PRDM2: variants seen among roughly 807,000 people sequenced by gnomAD.
The protein encoded by PRDM2 is PR/SET domain 2, also known as PR domain zinc finger protein 2.
Under a neutral mutation model 130.0 loss-of-function variants are expected in PRDM2, and 30 were observed. That is an observed-to-expected ratio of 0.23 (90% CI 0.17 to 0.31). The LOEUF is 0.31. Ranked by LOEUF, PRDM2 falls within the 10% of genes least tolerant of loss-of-function variation. The pLI is 1.00. For synonymous variants in PRDM2, 871 were observed against 782.4 expected, an observed-to-expected ratio of 1.11 and a Z score of -1.89; for missense variants, 2,011 against 2,108.4, an observed-to-expected ratio of 0.95 and a Z score of 0.90.
chr1:13,764,574 T>C lies in PRDM2; in HGVS notation c.512-8504T>C, dbSNP rs143403213. ...CCAGTCAAAACCACTGAAAGCCTTT[T>C]TCTGACAGCATAAAAGCTCGGACTC... is the stretch of plus-strand genomic sequence containing the variant. On this transcript the variant is annotated intron_variant, in intron 6 of 9. Transcript: ENST00000311066. Among the ~76,000 whole-genome samples, 48 of 152,350 alleles carry C rather than the reference T, an allele frequency of 3.2e-4. No homozygotes were observed. The East Asian group carries it at 7.9e-3, about 25-fold the overall frequency.
intron 2 of PRDM2, among the ~76,000 whole-genome samples, chr1:13,727,117 A>G (rs1416777876): frequency 6.6e-6 from 1 of 152,068 alleles, no homozygotes; most frequent in Non-Finnish European, 1.5e-5. Context: ...TTGCCTGGAT[A>G]CTGCGTTTCC....
At chr1:13,797,514 C>T (rs561530820) in intron 8 of PRDM2, among the ~76,000 whole-genome samples, 1 of 152,332 alleles carries the variant, frequency 6.6e-6, no homozygotes, top group African/African-American at 2.4e-5. Context: ...ATTACAGACA[C>T]AGCTCGTGAG....
intron 6 of PRDM2, among the ~76,000 whole-genome samples, chr1:13,759,196 G>A (rs1233099653): frequency 4.1e-5 from 6 of 146,504 alleles, no homozygotes; most frequent in East Asian, 4.0e-4. Flanking sequence ...AAACTACAGC[G>A]ATAAACAATC....
rs61072408 is a variant in PRDM2, at chr1:13,705,981, C to CAA, written c.-66+5704_-66+5705dup. On this transcript the variant is annotated intron_variant, in intron 1 of 9. Coordinates refer to ENST00000311066, the MANE Select transcript of PRDM2 (RefSeq NM_001393986.1). Reference sequence around the variant, plus strand: ...TGGGAGACAGAGCGAGACTCCGTCTCAAAAAAAAAAAAAAAAAAAAAAAAT... The same window carrying CAA: ...TGGGAGACAGAGCGAGACTCCGTCTCAAAAAAAAAAAAAAAAAAAAAAAAAAT... Among the ~76,000 whole-genome samples the CAA allele has an allele frequency of 2.6e-3, 147 of 56,184 alleles. 1 individual carries two copies. The highest frequency in any genetic ancestry group is 0.016 in the East Asian group (28 of 1,716). The allele number at this position is 56,184 out of a possible 152,430, so 36.9% of individuals were successfully genotyped here. A position where few individuals can be genotyped will look rare whatever the true frequency, so the allele number is the denominator to read the frequency against.
chr1:13,819,078 C>G (rs772389935), intron 9 of PRDM2, among the ~76,000 whole-genome samples: 3 of 152,176 alleles, frequency 2.0e-5, no homozygotes, highest in Non-Finnish European at 4.4e-5. Context: ...CAGCATCCTC[C>G]TTGCGGCCAA....
rs749251163 is a variant in PRDM2 at position 13,780,088 on chromosome 1, G to A, written c.2293G>A (p.Asp765Asn). ...AAGTGATGGGAAAGCAGCATGGACC[G>A]ATGCCGGGCTGACTTCCAAAAAATC... is the stretch of plus-strand genomic sequence containing the variant. ...KPSDGKAAWT[D>N]AGLTSKKSKL... is the part of the protein sequence containing the mutation. The change falls in exon 8 of 10, where the codon GAT becomes AAT. Residue 765 changes from aspartate (D) to asparagine (N), a missense_variant. By Grantham distance (23) the Asp-to-Asn change is conservative. This residue lies in a region of PRDM2 where 1,288 missense variants were observed against 1,237.7 expected (regional missense o/e 1.04). Transcript: ENST00000311066. 5.6e-6 allele frequency: 9 copies of A among 1,613,250 alleles called. No individual in the cohort carries two copies. The highest frequency in any genetic ancestry group is 3.3e-5 in the South Asian group (3 of 90,922).
intron 6 of PRDM2, among the ~76,000 whole-genome samples, chr1:13,768,378 C>T (rs566314824): frequency 2.8e-4 from 42 of 147,442 alleles, no homozygotes; most frequent in Admixed American, 2.1e-3. Context: ...CCACCGCGCC[C>T]GGCCTTCTTT....
intron 9 of PRDM2, among the ~76,000 whole-genome samples, chr1:13,822,784 G>T (rs1212340467): frequency 6.6e-6 from 1 of 152,068 alleles, no homozygotes. Flanking sequence ...ACAAACACTC[G>T]GTGGAAAAAG....
intron 2 of PRDM2, among the ~76,000 whole-genome samples, chr1:13,728,608 G>A (rs1252211819): frequency 6.6e-6 from 1 of 152,038 alleles, no homozygotes; most frequent in African/African-American, 2.4e-5. Flanking sequence ...TGAAGGATAC[G>A]ACAATAACAG....
In PRDM2 at chr1:13,781,323, C is replaced by G. The variant is rs1644608124; in HGVS notation, c.3528C>G (p.Asp1176Glu). The G allele has an allele frequency of 6.2e-7, 1 of 1,614,144 alleles. No homozygotes were observed. The highest frequency in any genetic ancestry group is 2.2e-5 in the East Asian group (1 of 44,884). ...TGCAGCTTTTTAAGGATAAAACGGA[C>G]TTGTCAGAACATCGCTTTTTGCTTC... ...FCVQLFKDKT[D>E]LSEHRFLLHG... The change falls in exon 8 of 10, where the codon GAC becomes GAG. Residue 1176 changes from aspartate (D) to glutamate (E), a missense_variant. Physicochemically the swap from Asp to Glu is conservative, Grantham distance 45 (BLOSUM62 2). Transcript: ENST00000311066. This position sits in a 1 kb window ranked among gnomAD's most constrained non-coding sequence, Gnocchi z 6.1.
chr1:13,715,761 T>C, intron 2 of PRDM2, 147 bp downstream of exon 2: 2 of 692,304 alleles, frequency 2.9e-6, no homozygotes, highest in Non-Finnish European at 4.6e-6. Flanking sequence ...ATTGTGTTCA[T>C]ACCGTGCATT....
rs1644600730 is a variant in PRDM2 at position 13,781,003 on chromosome 1, T to C, written c.3208T>C (p.Ser1070Pro). 1.9e-6 allele frequency: 3 copies of C among 1,600,940 alleles called. No homozygotes were observed. The highest frequency in any genetic ancestry group is 1.1e-5 in the South Asian group (1 of 90,786). ...CTCTTCGTTTTCTTCTTCATCTTCC[T>C]CCTCTTCTCCTTCTCCACCTCCTCT... is the stretch of plus-strand genomic sequence containing the variant. Reference protein sequence around the residue: ...SSSSFSSSSSSSSPSPPPLSA... With the variant: ...SSSSFSSSSSPSSPSPPPLSA... The change falls in exon 8 of 10, where the codon TCC becomes CCC. Residue 1070 changes from serine to proline, a missense_variant. Transcript: ENST00000311066. This position sits in a 1 kb window ranked among gnomAD's most constrained non-coding sequence, Gnocchi z 6.1.
rs374923051 is a variant in PRDM2, at chr1:13,779,025, G to A, written c.1230G>A (p.Arg410=). ...GTQINRRRHE[R]RHEAGLKRKP... Reference sequence around the variant, plus strand: ...AGATTAACCGGCGGCGACATGAGCGGCGCCATGAAGCAGGGTTAAAGCGGA... The same window carrying A: ...AGATTAACCGGCGGCGACATGAGCGACGCCATGAAGCAGGGTTAAAGCGGA... Residue 410 remains arginine (R), a synonymous_variant, in exon 8 of 10, where the codon CGG becomes CGA. Coordinates refer to ENST00000311066, the MANE Select transcript of PRDM2 (RefSeq NM_001393986.1). This position sits in a 1 kb window ranked among gnomAD's most constrained non-coding sequence, Gnocchi z 4.9. The A allele has an allele frequency of 1.2e-6, 2 of 1,614,152 alleles. No homozygotes were observed. Among genetic ancestry groups the A allele is most frequent in the Non-Finnish European group, 1.7e-6 (2 of 1,180,034 alleles).
intron 1 of PRDM2, among the ~76,000 whole-genome samples, chr1:13,707,079 A>G (rs1040081711): frequency 1.3e-5 from 2 of 152,154 alleles, no homozygotes; most frequent in African/African-American, 4.8e-5. Flanking sequence ...CATTTTATCT[A>G]TTATGACTTC....
chr1:13,783,866 C>T (rs1644679110), intron 8 of PRDM2, among the ~76,000 whole-genome samples: 1 of 151,990 alleles, frequency 6.6e-6, no homozygotes, highest in South Asian at 2.1e-4. Flanking sequence ...CTTTTGGTGT[C>T]TGAAAATTCT....
At chr1:13,762,256 C>T (rs1377389126) in intron 6 of PRDM2, among the ~76,000 whole-genome samples, 1 of 152,242 alleles carries the variant, frequency 6.6e-6, no homozygotes, top group Non-Finnish European at 1.5e-5. Context: ...TCTTGTTAAT[C>T]AAATCATGGC....
At chr1:13,802,535 C>T (rs896262128) in intron 8 of PRDM2, among the ~76,000 whole-genome samples, 1 of 152,214 alleles carries the variant, frequency 6.6e-6, no homozygotes, top group African/African-American at 2.4e-5. Context: ...CTCTCAGTCC[C>T]AGCAACTCCA....
Position 13,778,976 on chromosome 1 carries a change from A to G in PRDM2, c.1181A>G (p.Tyr394Cys), listed in dbSNP as rs1286682264. ...GTCAATCATGCTTTCAAATGCAAGT[A>G]CTGTGGGAAAGCCTTTGGCACACAG... ...STVNHAFKCKYCGKAFGTQIN... is the reference protein window; with the variant it reads ...STVNHAFKCKCCGKAFGTQIN... The change falls in exon 8 of 10, where the codon TAC becomes TGC. Residue 394 changes from tyrosine to cysteine, a missense_variant. Tyr to Cys is a radical substitution (Grantham distance 194). Coordinates refer to ENST00000311066, the MANE Select transcript of PRDM2 (RefSeq NM_001393986.1). 1.2e-6 allele frequency: 2 copies of G among 1,614,220 alleles called. No homozygotes were observed. Among genetic ancestry groups the G allele is most frequent in the Non-Finnish European group, 1.7e-6 (2 of 1,180,044 alleles).
chr1:13,724,054 A>G (rs555021687), intron 2 of PRDM2, among the ~76,000 whole-genome samples: 5 of 152,208 alleles, frequency 3.3e-5, no homozygotes, highest in Non-Finnish European at 5.9e-5. Context: ...CTAGGTTAGG[A>G]TAGTGGGGAC....
Sources: gnomAD v4.1 joint callset for allele counts (sites outside exome capture counted in the v4.1 genomes callset) on GRCh38, gnomAD v4.1.1 for gene constraint, gnomAD v4.1.1 regional missense constraint, Gnocchi (gnomAD v3.1) non-coding constraint, MANE v1.5 for transcripts, NCBI Gene and HGNC (gene_info 2026-07-23, HGNC 2026-07-21) for gene names.